The following CNPY1 variants were observed in gnomAD, a reference collection of about 807,000 sequenced individuals.
CNPY1 encodes protein canopy homolog 1.
A neutral mutation model predicts 14.4 loss-of-function variants in CNPY1; 14 were observed. The ratio of observed to expected loss-of-function variants is 0.97; its 90% CI spans 0.64 to 1.52. CNPY1 has a LOEUF of 1.52. Among genes scored for constraint, CNPY1 ranks in the 40% most tolerant of loss-of-function variants. CNPY1 has a pLI of 0.00. For missense variants in CNPY1, 129 were observed against 131.5 expected (o/e 0.98, Z 0.09); for synonymous variants, 43 against 46.5 (o/e 0.92, Z 0.31).
chr7:155,518,567 G>A (rs1296564973), intron 2 of CNPY1: 1 of 152,174 alleles, frequency 6.6e-6, no homozygotes, highest in Admixed American at 6.5e-5. Flanking sequence ...AGAGCTCTAG[G>A]GTGGACCTTT....
intron 2 of CNPY1, among the ~76,000 whole-genome samples, chr7:155,518,858 G>A (rs775338271): frequency 3.3e-5 from 5 of 152,162 alleles, no homozygotes; most frequent in South Asian, 2.1e-4. Flanking sequence ...GCTACCTTGC[G>A]CAGGCACATG....
intron 2 of CNPY1, among the ~76,000 whole-genome samples, chr7:155,530,247 T>G (rs1796913110): frequency 6.7e-6 from 1 of 148,986 alleles, no homozygotes; most frequent in South Asian, 2.2e-4. Context: ...GGTCCACAAC[T>G]GGCAGCAAAG....
chr7:155,509,154 C>T (rs549663127), intron 2 of CNPY1, 57 bp from the exon 3 acceptor site: 728 of 1,041,666 alleles, frequency 7.0e-4, no homozygotes, highest in South Asian at 1.4e-3. Flanking sequence ...ACTTCAAAGA[C>T]CTTCCGGCGA....
chr7:155,517,026 G>A (rs995541676), intron 2 of CNPY1, among the ~76,000 whole-genome samples: 2 of 152,218 alleles, frequency 1.3e-5, no homozygotes, highest in Admixed American at 6.5e-5. Flanking sequence ...TTCTGCAGCA[G>A]CTGCTGCATG....
At chr7:155,539,705 A>C (rs1015705292) in intron 2 of CNPY1, among the ~76,000 whole-genome samples, 31 of 152,192 alleles carry the variant, frequency 2.0e-4, no homozygotes, top group African/African-American at 6.8e-4. Flanking sequence ...AAAGCAGACA[A>C]ACATTCATGT....
rs1041149665 is a variant in CNPY1, at chr7:155,502,006, G to C, written c.*1062C>G. ...AAGAGTTTTGGGTCGGGGGGGTTGGGGGGGGGATTTGTAGCATCCTACCCA... is the reference window on the plus strand; with the variant it reads ...AAGAGTTTTGGGTCGGGGGGGTTGGCGGGGGGATTTGTAGCATCCTACCCA... On this transcript the variant is annotated 3_prime_UTR_variant, in exon 5 of 5. Coordinates refer to ENST00000636446, the MANE Select transcript of CNPY1 (RefSeq NM_001393663.1). The C allele has an allele frequency of 6.6e-6, 1 of 150,770 alleles. No individual in the cohort carries two copies. Among genetic ancestry groups the C allele is most frequent in the Non-Finnish European group, 1.5e-5 (1 of 67,680 alleles). 9.3% of individuals were successfully genotyped at this position (150,770 alleles called of 1,614,324 possible).
chr7:155,525,217 C>T (rs1403507775), intron 2 of CNPY1, among the ~76,000 whole-genome samples: 1 of 152,112 alleles, frequency 6.6e-6, no homozygotes, highest in Non-Finnish European at 1.5e-5. Flanking sequence ...TTTCACTCTT[C>T]TTGCCCAGAC....
intron 4 of CNPY1, 167 bp downstream of exon 4, chr7:155,506,853 T>C (rs979157045): frequency 6.2e-6 from 4 of 640,652 alleles, no homozygotes; most frequent in African/African-American, 3.7e-5. Context: ...GTTTATCTGT[T>C]TTCTCTCACA....
intron 2 of CNPY1, chr7:155,510,573 A>G (rs1796507067): frequency 6.6e-6 from 1 of 152,200 alleles, no homozygotes; most frequent in African/African-American, 2.4e-5. Context: ...TAAATAGCTT[A>G]TGGACTATTT....
intron 2 of CNPY1, among the ~76,000 whole-genome samples, chr7:155,514,882 A>G (rs1796587314): frequency 6.6e-6 from 1 of 152,156 alleles, no homozygotes; most frequent in East Asian, 1.9e-4. Flanking sequence ...CAACAAGAGC[A>G]AAACTCTGTC....
chr7:155,537,110 G>A (rs563220797), intron 2 of CNPY1, among the ~76,000 whole-genome samples: 10 of 152,244 alleles, frequency 6.6e-5, no homozygotes, highest in South Asian at 6.2e-4. Context: ...TTATTACTCC[G>A]CATGCTAACA....
Position 155,502,967 on chromosome 7 carries a change from A to C in CNPY1, c.*101T>G. On this transcript the variant is annotated 3_prime_UTR_variant, in exon 5 of 5. Coordinates refer to ENST00000636446, the MANE Select transcript of CNPY1 (RefSeq NM_001393663.1). ...GACAAACACGGTATAAACAAGAGACAAAATTTTTCTTATCATGAAAGACAA... is the reference window on the plus strand; with the variant it reads ...GACAAACACGGTATAAACAAGAGACCAAATTTTTCTTATCATGAAAGACAA... The C allele has an allele frequency of 9.1e-7, 1 of 1,098,766 alleles. No homozygotes were observed. Among genetic ancestry groups the C allele is most frequent in the Non-Finnish European group, 1.3e-6 (1 of 749,716 alleles). The allele number at this position is 1,098,766 out of a possible 1,614,324, so 68.1% of individuals were successfully genotyped here.
intron 2 of CNPY1, among the ~76,000 whole-genome samples, chr7:155,540,236 A>G (rs1797068405): frequency 6.6e-6 from 1 of 152,260 alleles, no homozygotes; most frequent in African/African-American, 2.4e-5. Context: ...TAGAAAGTCC[A>G]GAATTCTGAG....
intron 2 of CNPY1, among the ~76,000 whole-genome samples, chr7:155,527,054 CTT>C (rs764084944): frequency 1.5e-3 from 133 of 90,350 alleles, no homozygotes; most frequent in African/African-American, 6.0e-3. Context: ...TTCTTTCTTT[CTT>C]TTTTTTTTTT....
rs530577466 is a variant in CNPY1 at position 155,518,984 on chromosome 7, C to T, written c.100-9887G>A. On this transcript the variant is annotated intron_variant, in intron 2 of 4. Coordinates refer to ENST00000636446, the MANE Select transcript of CNPY1 (RefSeq NM_001393663.1). ...CCAATTCCAGTTTAGAAATGGGTTT[C>T]AATGCTTAACACACCGCATCTTATC... Among the ~76,000 whole-genome samples the T allele has an allele frequency of 5.3e-5, 8 of 152,286 alleles. No individual in the cohort carries two copies. In the East Asian group the frequency reaches 1.5e-3, roughly 29 times the overall value.
intron 4 of CNPY1, among the ~76,000 whole-genome samples, chr7:155,505,367 C>A (rs926904050): frequency 1.3e-5 from 2 of 152,202 alleles, no homozygotes; most frequent in Non-Finnish European, 2.9e-5. Context: ...ATTATCTCAT[C>A]AGGTTTCATT....
chr7:155,509,068 T>C lies in CNPY1; in HGVS notation c.129A>G (p.Leu43=), dbSNP rs751801295. 2 of 1,604,468 alleles carry C rather than the reference T, an allele frequency of 1.2e-6. No homozygotes were observed. Among genetic ancestry groups the C allele is most frequent in the Non-Finnish European group, 1.7e-6 (2 of 1,177,112 alleles). The change falls in exon 3 of 5, where the codon CTA becomes CTG. Residue 43 remains leucine, a synonymous_variant. Transcript: ENST00000636446. ...CACAGACTTTCTCCAAAAGATCCGTTAGGAACGCCTCCGACTGAGCTAGGG... is the reference window on the plus strand; with the variant it reads ...CACAGACTTTCTCCAAAAGATCCGTCAGGAACGCCTCCGACTGAGCTAGGG... ...KIPLAQSEAF[L]TDLLEKVCER...
intron 4 of CNPY1, 169 bp downstream of exon 4, chr7:155,506,851 G>A (rs1349174357): frequency 3.1e-6 from 2 of 638,322 alleles, no homozygotes; most frequent in African/African-American, 1.9e-5. Flanking sequence ...CTGTTTATCT[G>A]TTTTCTCTCA....
intron 2 of CNPY1, among the ~76,000 whole-genome samples, chr7:155,517,752 A>G (rs1796649933): frequency 6.6e-6 from 1 of 152,212 alleles, no homozygotes; most frequent in Non-Finnish European, 1.5e-5. Flanking sequence ...TCCACTGGCC[A>G]TGGGCGGGGA....
Sources: allele counts gnomAD v4.1 joint callset (sites outside exome capture counted in the v4.1 genomes callset), GRCh38; gene constraint gnomAD v4.1.1; transcripts MANE v1.5; gene names NCBI Gene and HGNC (gene_info 2026-07-23, HGNC 2026-07-21).